The following HOXB3 variants were observed in gnomAD, a reference collection of about 807,000 sequenced individuals.
The protein encoded by HOXB3 is homeobox B3.
HOXB3 carries 17 observed loss-of-function variants against 29.2 expected under a neutral mutation model. The observed-to-expected ratio is 0.58, with a 90% confidence interval of 0.40 to 0.87. The LOEUF is 0.87. HOXB3 is among the 40% of genes least tolerant of loss of function. The pLI is 0.00. For missense variants in HOXB3, 637 were observed against 616.3 expected, an observed-to-expected ratio of 1.03 and a Z score of -0.35; for synonymous variants, 317 against 285.9, an observed-to-expected ratio of 1.11 and a Z score of -1.10.
In HOXB3 at chr17:48,549,211, C is replaced by T. The variant is rs2068623382; in HGVS notation, c.*1123G>A. ...TTCCTTTTTTTCCCTCATATAAATA[C>T]ATAATGTAGGGGGATAAATAATACA... On this transcript the variant is annotated 3_prime_UTR_variant, in exon 5 of 5. Transcript: ENST00000498678. The T allele has an allele frequency of 6.6e-6, 1 of 152,350 alleles. No individual in the cohort carries two copies. The highest frequency in any genetic ancestry group is 6.6e-5 in the Admixed American group (1 of 15,254). The allele number at this position is 152,350 out of a possible 1,614,324, so 9.4% of individuals were successfully genotyped here. A position where few individuals can be genotyped will look rare whatever the true frequency, so the allele number is the denominator to read the frequency against.
At chr17:48,553,516 T>C (rs991303476) in intron 3 of HOXB3, 49 of 152,268 alleles carry the variant, frequency 3.2e-4, no homozygotes, top group African/African-American at 1.2e-3. Context: ...CTGTTTTCTT[T>C]GATTTCCCCC....
chr17:48,574,075 T>C (rs1236000204), intron 1 of HOXB3, 61 bp from the exon 2 acceptor site: 12 of 576,352 alleles, frequency 2.1e-5, no homozygotes, highest in South Asian at 2.0e-4. Flanking sequence ...GATTAATGGT[T>C]TTCTGTATAA....
At position 48,550,309 on chromosome 17, in the gene HOXB3, C is replaced by T; in HGVS notation, c.*25G>A. ...ACAGTCTCTCTCTTCCTCCCCATCC[C>T]CTAATCCTCGTTCGCCCTTTCCCAT... On this transcript the variant is annotated 3_prime_UTR_variant, in exon 5 of 5. Transcript: ENST00000498678. 1.2e-6 allele frequency: 2 copies of T among 1,613,352 alleles called. No homozygotes were observed. The highest frequency in any genetic ancestry group is 1.1e-5 in the South Asian group (1 of 91,048).
At chr17:48,576,608 A>C in intron 1 of HOXB3, 7 of 841,682 alleles carry the variant, frequency 8.3e-6, no homozygotes, top group Non-Finnish European at 5.4e-6. Flanking sequence ...GGGGGAGGGC[A>C]GATAGATTTT....
chr17:48,552,418 G>A lies in HOXB3; in HGVS notation c.57C>T (p.Ser19=), dbSNP rs199902059. 3.0e-4 allele frequency: 488 copies of A among 1,609,362 alleles called. No homozygotes were observed. Among genetic ancestry groups the A allele is most frequent in the Middle Eastern group, 5.0e-4 (3 of 6,034 alleles). The part of the protein sequence containing the change: ...NAAAALFGGY[S]SYPGSNGFGF... ...CGAAGCCATTGCTGCCAGGGTACGAGGAATAGCCTCCGAAGAGAGCAGCCG... is the reference window on the plus strand; with the variant it reads ...CGAAGCCATTGCTGCCAGGGTACGAAGAATAGCCTCCGAAGAGAGCAGCCG... The change falls in exon 4 of 5, where the codon TCC becomes TCT. Residue 19 remains serine, a synonymous_variant. Coordinates refer to ENST00000498678, the MANE Select transcript of HOXB3 (RefSeq NM_001384749.1).
At chr17:48,576,448 C>T in intron 1 of HOXB3, 1 of 365,802 alleles carries the variant, frequency 2.7e-6, no homozygotes, top group East Asian at 4.1e-5. Context: ...TTTCTTCCTT[C>T]TTCTTGCTTT....
chr17:48,552,767 G>A, intron 3 of HOXB3, 135 bp from the exon 4 acceptor site: 1 of 370,760 alleles, frequency 2.7e-6, no homozygotes, highest in South Asian at 1.2e-4. Flanking sequence ...CAGATGCTGA[G>A]AAAAAAAAGC....
chr17:48,585,456 C>G (rs1182633921), intron 1 of HOXB3, among the ~76,000 whole-genome samples: 3 of 152,114 alleles, frequency 2.0e-5, no homozygotes, highest in African/African-American at 7.2e-5. Flanking sequence ...CCCAACGATG[C>G]GGGGGGGCCC....
chr17:48,567,413 G>C (rs2069426704), intron 2 of HOXB3, among the ~76,000 whole-genome samples: 1 of 152,214 alleles, frequency 6.6e-6, no homozygotes, highest in African/African-American at 2.4e-5. Flanking sequence ...CCTGGCTCCA[G>C]TCAGGGAATG....
chr17:48,559,773 A>G (rs2069128677), intron 2 of HOXB3: 1 of 152,310 alleles, frequency 6.6e-6, no homozygotes, highest in Non-Finnish European at 1.5e-5. Flanking sequence ...CAAAAGAAGA[A>G]AAAGGTCGCT....
At chr17:48,586,065 A>T (rs2070040231) in intron 1 of HOXB3, among the ~76,000 whole-genome samples, 1 of 152,232 alleles carries the variant, frequency 6.6e-6, no homozygotes, top group South Asian at 2.1e-4. Context: ...CTCAGCCCGG[A>T]TCCACTAGGG....
chr17:48,564,864 C>G (rs896204884), intron 2 of HOXB3, among the ~76,000 whole-genome samples: 1 of 152,128 alleles, frequency 6.6e-6, no homozygotes, highest in Non-Finnish European at 1.5e-5. Flanking sequence ...ATCAGACGGG[C>G]GAGAAAGATT....
chr17:48,576,765 C>T, intron 1 of HOXB3: 2 of 1,613,816 alleles, frequency 1.2e-6, no homozygotes, highest in Non-Finnish European at 1.7e-6. Context: ...AGGGGGCCCT[C>T]CGGCTGAGCC....
chr17:48,549,199 C>T lies in HOXB3; in HGVS notation c.*1135G>A, dbSNP rs1471932362. ...AAGTACAATTTTTTCCTTTTTTTCC[C>T]TCATATAAATACATAATGTAGGGGG... is the stretch of plus-strand genomic sequence containing the variant. On this transcript the variant is annotated 3_prime_UTR_variant, in exon 5 of 5. Transcript: ENST00000498678. The T allele has an allele frequency of 3.3e-5, 5 of 152,380 alleles. No individual in the cohort carries two copies. Among genetic ancestry groups the T allele is most frequent in the African/African-American group, 1.2e-4 (5 of 41,348 alleles). 9.4% of individuals were successfully genotyped at this position (152,380 alleles called of 1,614,324 possible).
intron 2 of HOXB3, 59 bp from the exon 3 acceptor site, chr17:48,555,677 GC>G: frequency 2.5e-6 from 1 of 399,262 alleles, no homozygotes; most frequent in Non-Finnish European, 4.6e-6. Flanking sequence ...CCGCCCCCCC[GC>G]CCCCGCCCCG....
intron 3 of HOXB3, 160 bp from the exon 4 acceptor site, chr17:48,552,792 T>C: frequency 2.9e-6 from 1 of 341,616 alleles, no homozygotes; most frequent in Non-Finnish European, 5.3e-6. Flanking sequence ...CAGTTTTCAT[T>C]TCCACTAAAA....
chr17:48,588,596 G>A (rs1004799012), intron 1 of HOXB3, among the ~76,000 whole-genome samples: 2 of 152,226 alleles, frequency 1.3e-5, no homozygotes, highest in Non-Finnish European at 2.9e-5. Flanking sequence ...GCCTTGTAGA[G>A]TGGAAGACTG....
At chr17:48,576,454 G>GCTTTTT (rs893833352) in intron 1 of HOXB3, 8 of 374,974 alleles carry the variant, frequency 2.1e-5, no homozygotes, top group East Asian at 4.0e-5. Flanking sequence ...CCTTCTTCTT[G>GCTTTTT]CTTTTTCTTT....
At chr17:48,568,723 A>G (rs2069475881) in intron 2 of HOXB3, among the ~76,000 whole-genome samples, 1 of 151,820 alleles carries the variant, frequency 6.6e-6, no homozygotes, top group Non-Finnish European at 1.5e-5. Flanking sequence ...ATCAAGAAAA[A>G]GGTTGGAGGA....
Sources: gnomAD v4.1 joint callset for allele counts (sites outside exome capture counted in the v4.1 genomes callset) on GRCh38, gnomAD v4.1.1 for gene constraint, MANE v1.5 for transcripts, NCBI Gene and HGNC (gene_info 2026-07-23, HGNC 2026-07-21) for gene names.